HAL: variants seen among roughly 807,000 people sequenced by gnomAD.
The protein encoded by HAL is histidine ammonia-lyase.
HAL carries 85 observed loss-of-function variants against 81.1 expected under a neutral mutation model. The ratio of observed to expected loss-of-function variants is 1.05; its 90% confidence interval spans 0.88 to 1.25. HAL has a LOEUF of 1.25. Ranked by LOEUF, HAL falls within the 50% of genes most tolerant of loss-of-function variation. The pLI, the probability that HAL is intolerant of heterozygous loss-of-function variation, is 0.00. For missense variants in HAL, 798 were observed against 836.6 expected, an observed-to-expected ratio of 0.95 and a Z score of 0.57; for synonymous variants, 301 against 309.2, an observed-to-expected ratio of 0.97 and a Z score of 0.28.
At chr12:95,988,367 G>A in intron 10 of HAL, 127 bp from the exon 11 acceptor site, 1 of 704,028 alleles carries the variant, frequency 1.4e-6, no homozygotes, top group South Asian at 1.6e-5. Flanking sequence ...GAGACCTACA[G>A]GAACTGGCTG....
intron 8 of HAL, 103 bp downstream of exon 8, chr12:95,993,348 G>T: frequency 1.2e-6 from 1 of 835,292 alleles, no homozygotes; most frequent in South Asian, 1.3e-5. Context: ...ATGCTGTTTT[G>T]AGAAACTAGC....
At chr12:95,991,539 G>T (rs1342632544) in intron 9 of HAL, among the ~76,000 whole-genome samples, 11 of 152,164 alleles carry the variant, frequency 7.2e-5, no homozygotes, top group Admixed American at 6.5e-4. Flanking sequence ...ATGAACACGT[G>T]CCATTTTCTA....
chr12:95,986,984 C>A (rs1949897050), intron 12 of HAL, 83 bp downstream of exon 12: 2 of 1,206,176 alleles, frequency 1.7e-6, no homozygotes, highest in Non-Finnish European at 2.5e-6. Flanking sequence ...GCCCCCACCA[C>A]TTCTGTGTCT....
rs2080743125 is a variant in HAL at position 95,977,956 on chromosome 12, G to A, written c.1642C>T (p.His548Tyr). 3.1e-6 allele frequency: 5 copies of A among 1,614,130 alleles called. No homozygotes were observed. The highest frequency in any genetic ancestry group is 4.2e-6 in the Non-Finnish European group (5 of 1,180,006). The change falls in exon 18 of 21, where the codon CAT becomes TAT. Residue 548 changes from histidine (H) to tyrosine (Y), a missense_variant. By Grantham distance (83) the His-to-Tyr change is moderately conservative. Transcript: ENST00000261208. ...TCATCAGCATTACCTTGCTCCACAT[G>A]CTCGATGACCCTGAGGGCTTTCCTT... Reference protein sequence around the residue: ...AARKALRVIEHVEQVLAIELL... With the variant: ...AARKALRVIEYVEQVLAIELL...
rs1491198172 is a variant in HAL, at chr12:95,985,895, TTC to T, written c.1206+11_1206+12del. 1.3e-6 allele frequency: 2 copies of T among 1,585,090 alleles called. No homozygotes were observed. Among genetic ancestry groups the T allele is most frequent in the East Asian group, 2.2e-5 (1 of 44,698 alleles). On this transcript the variant is annotated intron_variant, in intron 14 of 20. Coordinates refer to ENST00000261208, the MANE Select transcript of HAL (RefSeq NM_002108.4). ...GCATTTTTTATTGACCTTTTTTTTT[TTC>T]TTTATTTTACCTGTGGACAGCAGCG...
chr12:95,986,109 A>C lies in HAL; in HGVS notation c.1103T>G (p.Phe368Cys). 6 of 1,613,468 alleles carry C rather than the reference A, an allele frequency of 3.7e-6. No homozygotes were observed. The highest frequency in any genetic ancestry group is 5.1e-6 in the Non-Finnish European group (6 of 1,179,344). The change falls in exon 13 of 21, where the codon TTT becomes TGT. Residue 368 changes from phenylalanine to cysteine, a missense_variant. Transcript: ENST00000261208. ...HRGQIEVAFR[F>C]RSLLDSDHHP... is the part of the protein sequence containing the mutation. The stretch of plus-strand genomic sequence containing the variant: ...GTGATCTGAGTCCAAGAGTGACCGA[A>C]ACCGAAAAGCAACTTCAATTTGCCC...
rs908312125 is a variant in HAL, at chr12:95,979,195, T to C, written c.1520-1117A>G. Among the ~76,000 whole-genome samples the C allele has an allele frequency of 3.9e-5, 6 of 152,216 alleles. No homozygotes were observed. The East Asian group carries it at 1.2e-3, about 29-fold the overall frequency. On this transcript the variant is annotated intron_variant, in intron 17 of 20. Transcript: ENST00000261208. ...GCTTCCCAATGTCCATCCTGTTCTCTAGAAATCAATGACTACTCCCCCACT... is the reference window on the plus strand; with the variant it reads ...GCTTCCCAATGTCCATCCTGTTCTCCAGAAATCAATGACTACTCCCCCACT...
chr12:95,976,006 T>C (rs2080714393), intron 20 of HAL: 1 of 334,926 alleles, frequency 3.0e-6, no homozygotes, highest in East Asian at 7.8e-5. Flanking sequence ...TCTTCTGAAG[T>C]AAACACCCGG....
chr12:95,983,979 CCA>C lies in HAL; in HGVS notation c.1217_1218del (p.Val406GlyfsTer3). On this transcript the variant is annotated frameshift_variant, in exon 15 of 21. Coordinates refer to ENST00000261208, the MANE Select transcript of HAL (RefSeq NM_002108.4). LOFTEE classifies it high-confidence loss of function. ...TLRCCPQVHG[V>X]VNDTIAFVKN... Reference sequence around the variant, plus strand: ...TTCACAAATGCTATTGTATCATTCACCACACCATGGACCTAAAATACAATCAA... The same window carrying C: ...TTCACAAATGCTATTGTATCATTCACCACCATGGACCTAAAATACAATCAA... The C allele has an allele frequency of 6.4e-7, 1 of 1,558,134 alleles. No individual in the cohort carries two copies. The highest frequency in any genetic ancestry group is 8.9e-7 in the Non-Finnish European group (1 of 1,129,824).
At position 95,973,458 on chromosome 12, in the gene HAL, T is replaced by C. The variant is rs1269986082; in HGVS notation, c.*774A>G. ...AGGAAGGTTACAATAAGAATGTGAATAGAGTACTAACACCAAGGAAGTGAA... is the reference window on the plus strand; with the variant it reads ...AGGAAGGTTACAATAAGAATGTGAACAGAGTACTAACACCAAGGAAGTGAA... On this transcript the variant is annotated 3_prime_UTR_variant, in exon 21 of 21. Coordinates refer to ENST00000261208, the MANE Select transcript of HAL (RefSeq NM_002108.4). 1 of 152,200 alleles carries C rather than the reference T, an allele frequency of 6.6e-6. No individual in the cohort carries two copies. Among genetic ancestry groups the C allele is most frequent in the South Asian group, 2.1e-4 (1 of 4,820 alleles). The allele number at this position is 152,200 out of a possible 1,614,324, so 9.4% of individuals were successfully genotyped here. A position where few individuals can be genotyped will look rare whatever the true frequency, so the allele number is the denominator to read the frequency against.
intron 15 of HAL, among the ~76,000 whole-genome samples, chr12:95,982,953 C>G (rs2080811059): frequency 6.6e-6 from 1 of 152,146 alleles, no homozygotes; most frequent in Non-Finnish European, 1.5e-5. Flanking sequence ...ATGGAACATT[C>G]CAGAGAAAAA....
chr12:95,976,511 C>G lies in HAL; in HGVS notation c.1764-13G>C, dbSNP rs1469489114. 1 of 1,613,312 alleles carries G rather than the reference C, an allele frequency of 6.2e-7. No homozygotes were observed. Among genetic ancestry groups the G allele is most frequent in the East Asian group, 2.2e-5 (1 of 44,888 alleles). Reference sequence around the variant, plus strand: ...TTTTATCCAGGGCCTACAGGGAGAGCACATCCGCCCATCAGCCAAACATGA... The same window carrying G: ...TTTTATCCAGGGCCTACAGGGAGAGGACATCCGCCCATCAGCCAAACATGA... On this transcript the variant is annotated splice_polypyrimidine_tract_variant and intron_variant, in intron 19 of 20. Coordinates refer to ENST00000261208, the MANE Select transcript of HAL (RefSeq NM_002108.4).
chr12:95,994,037 T>C (rs1199887918), intron 5 of HAL, 39 bp from the exon 6 acceptor site: 2 of 1,596,452 alleles, frequency 1.3e-6, no homozygotes, highest in East Asian at 2.2e-5. Flanking sequence ...CGTTAAAGAC[T>C]TCCACGGGCA....
At chr12:95,988,755 G>A (rs897105752) in intron 10 of HAL, among the ~76,000 whole-genome samples, 5 of 152,124 alleles carry the variant, frequency 3.3e-5, no homozygotes, top group African/African-American at 1.2e-4. Context: ...ATGAAGAGGG[G>A]ATTATAAAAT....
chr12:95,976,758 T>A, intron 18 of HAL, 52 bp from the exon 19 acceptor site: 1 of 1,175,690 alleles, frequency 8.5e-7, no homozygotes, highest in Non-Finnish European at 1.3e-6. Context: ...ACTTCATGCT[T>A]AAGGAATGTG....
At position 95,995,644 on chromosome 12, in the gene HAL, C is replaced by T; in HGVS notation, c.247+20G>A. Reference sequence around the variant, plus strand: ...AGGCCAAACCGCACCCGTTCGCGGCCCTCTCCTGCAGCCACTCACCCACTT... The same window carrying T: ...AGGCCAAACCGCACCCGTTCGCGGCTCTCTCCTGCAGCCACTCACCCACTT... On this transcript the variant is annotated intron_variant, in intron 2 of 20. Coordinates refer to ENST00000261208, the MANE Select transcript of HAL (RefSeq NM_002108.4). 1 of 1,612,588 alleles carries T rather than the reference C, an allele frequency of 6.2e-7. No individual in the cohort carries two copies. The highest frequency in any genetic ancestry group is 2.2e-5 in the East Asian group (1 of 44,880).
In HAL at chr12:95,988,186, T is replaced by A. The variant is rs1263048807; in HGVS notation, c.903+7A>T. 1 of 1,396,610 alleles carries A rather than the reference T, an allele frequency of 7.2e-7. No homozygotes were observed. The highest frequency in any genetic ancestry group is 1.7e-5 in the Admixed American group (1 of 59,726). 86.5% of individuals were successfully genotyped at this position (1,396,610 alleles called of 1,614,324 possible). A position where few individuals can be genotyped will look rare whatever the true frequency, so the allele number is the denominator to read the frequency against. On this transcript the variant is annotated splice_region_variant and intron_variant, in intron 11 of 20. Coordinates refer to ENST00000261208, the MANE Select transcript of HAL (RefSeq NM_002108.4). ...ACTATGAACATATTTTTCTTGAGTTTCCTTACCTCTTTTGGTTTTAAAATA... is the reference window on the plus strand; with the variant it reads ...ACTATGAACATATTTTTCTTGAGTTACCTTACCTCTTTTGGTTTTAAAATA...
intron 11 of HAL, 99 bp downstream of exon 11, chr12:95,988,094 G>A (rs1949918401): frequency 3.9e-6 from 3 of 760,052 alleles, no homozygotes; most frequent in Non-Finnish European, 7.2e-6. Flanking sequence ...AAACATGCAA[G>A]TTGCATTTAA....
chr12:95,994,156 C>T lies in HAL; in HGVS notation c.345G>A (p.Glu115=), dbSNP rs188783496. Reference sequence around the variant, plus strand: ...CCGTGGTCAGACGGTCTCCATCTAACTCGATGTACTACACAAAAGAAGGGG... The same window carrying T: ...CCGTGGTCAGACGGTCTCCATCTAATTCGATGTACTACACAAAAGAAGGGG... The part of the protein sequence containing the change: ...SKYREPEKYI[E]LDGDRLTTED... The change falls in exon 5 of 21, where the codon GAG becomes GAA. Residue 115 remains glutamate, a synonymous_variant. Transcript: ENST00000261208. 3.7e-4 allele frequency: 588 copies of T among 1,610,646 alleles called. 2 individuals are homozygous for T. In the East Asian group the frequency reaches 0.012, roughly 33 times the overall value.
Sources: allele counts gnomAD v4.1 joint callset (sites outside exome capture counted in the v4.1 genomes callset), GRCh38; gene constraint gnomAD v4.1.1; transcripts MANE v1.5; gene names NCBI Gene and HGNC (gene_info 2026-07-23, HGNC 2026-07-21).